The following PDE4D variants were observed in gnomAD, a reference collection of about 807,000 sequenced individuals.
The protein encoded by PDE4D is 3',5'-cyclic-AMP phosphodiesterase 4D.
A neutral mutation model predicts 87.4 loss-of-function variants in PDE4D; 24 were observed. The ratio of observed to expected loss-of-function variants is 0.27; its 90% CI spans 0.20 to 0.39. The LOEUF is 0.39. PDE4D is among the 10% of genes least tolerant of loss of function. The probability of loss-of-function intolerance (pLI) is 1.00; values close to 1 mark genes in which losing one functional copy is unlikely to be tolerated. For missense variants in PDE4D, 714 were observed against 1,041.0 expected (o/e 0.69, Z 4.32); for synonymous variants, 384 against 383.2 (o/e 1.00, Z -0.02).
chr5:59,095,878 A>G (rs529284952), intron 5 of PDE4D, among the ~76,000 whole-genome samples: 1 of 152,330 alleles, frequency 6.6e-6, no homozygotes, highest in African/African-American at 2.4e-5. Context: ...CTAAGCTGCT[A>G]AATAGGCTAT....
intron 1 of PDE4D, among the ~76,000 whole-genome samples, chr5:59,771,534 GA>G (rs1157759892): frequency 6.8e-6 from 1 of 147,524 alleles, no homozygotes; most frequent in African/African-American, 2.6e-5. Flanking sequence ...AAGAAAGAAA[GA>G]AAGAAAGAAA....
intron 1 of PDE4D, among the ~76,000 whole-genome samples, chr5:59,296,797 ACG>A (rs1207949724): frequency 1.4e-5 from 2 of 144,166 alleles, no homozygotes; most frequent in East Asian, 2.2e-4. Flanking sequence ...ACACACACAC[ACG>A]CGTGCATGCA....
intron 1 of PDE4D, among the ~76,000 whole-genome samples, chr5:60,474,108 A>ATATATATGTGTG (rs1561295618): frequency 1.9e-5 from 1 of 52,266 alleles, no homozygotes; most frequent in South Asian, 6.5e-4. Flanking sequence ...GAGCTGCCAT[A>ATATATATGTGTG]TATATATATA....
intron 1 of PDE4D, among the ~76,000 whole-genome samples, chr5:60,265,563 G>C (rs918406850): frequency 1.3e-5 from 2 of 152,154 alleles, no homozygotes; most frequent in Non-Finnish European, 2.9e-5. Flanking sequence ...GCCTTAACCT[G>C]ACACAGTGGC....
intron 2 of PDE4D, among the ~76,000 whole-genome samples, chr5:60,010,961 G>C (rs1167773384): frequency 6.6e-6 from 1 of 152,138 alleles, no homozygotes; most frequent in Non-Finnish European, 1.5e-5. Context: ...GCATATGTGA[G>C]ATGAAAATGA....
chr5:58,985,058 C>T (rs146087663), intron 11 of PDE4D, among the ~76,000 whole-genome samples: 8,245 of 152,046 alleles, frequency 0.054, 271 homozygotes, highest in Middle Eastern at 0.099. Flanking sequence ...TACAGGCATG[C>T]GCCACCACAC....
chr5:60,013,583 A>C (rs1019947597), intron 2 of PDE4D, among the ~76,000 whole-genome samples: 1 of 152,146 alleles, frequency 6.6e-6, no homozygotes, highest in African/African-American at 2.4e-5. Context: ...AATTTGCCCT[A>C]AGTTATACTA....
rs572827513 is a variant in PDE4D at position 59,175,165 on chromosome 5, C to T, written c.808+5430G>A. 3.3e-5 allele frequency among the ~76,000 whole-genome samples: 5 copies of T among 152,322 alleles called. No individual in the cohort carries two copies. In the South Asian group the frequency reaches 1.0e-3, roughly 32 times the overall value. Reference sequence around the variant, plus strand: ...GGCTTGGGCATCTCTGACTCTTTGCCACCCTCTCATGTTCCAATGCACTCT... The same window carrying T: ...GGCTTGGGCATCTCTGACTCTTTGCTACCCTCTCATGTTCCAATGCACTCT... On this transcript the variant is annotated intron_variant, in intron 5 of 14. Coordinates refer to ENST00000340635, the MANE Select transcript of PDE4D (RefSeq NM_001104631.2).
intron 5 of PDE4D, among the ~76,000 whole-genome samples, chr5:59,071,683 CTTTTTTT>C (rs10701223): frequency 1.7e-4 from 14 of 82,406 alleles, no homozygotes; most frequent in Admixed American, 9.9e-4. Flanking sequence ...TATTTCTCTT[CTTTTTTT>C]TTTTTTTTTT....
At chr5:59,753,924 T>C (rs1056288523) in intron 1 of PDE4D, among the ~76,000 whole-genome samples, 2 of 152,240 alleles carry the variant, frequency 1.3e-5, no homozygotes, top group Non-Finnish European at 1.5e-5. Flanking sequence ...CTTTAATTTA[T>C]AGCTGGTCCA....
chr5:59,795,676 C>T (rs1469090201), intron 1 of PDE4D, among the ~76,000 whole-genome samples: 1 of 152,124 alleles, frequency 6.6e-6, no homozygotes, highest in Admixed American at 6.5e-5. Flanking sequence ...CGGCTGGGGT[C>T]CTTAGCACGG....
At chr5:60,462,882 A>G (rs1472774499) in intron 1 of PDE4D, among the ~76,000 whole-genome samples, 3 of 152,232 alleles carry the variant, frequency 2.0e-5, no homozygotes, top group Non-Finnish European at 4.4e-5. Context: ...CATTTTCATC[A>G]TATACAACAG....
intron 1 of PDE4D, among the ~76,000 whole-genome samples, chr5:60,358,097 A>G (rs1485534456): frequency 6.6e-6 from 1 of 152,210 alleles, no homozygotes; most frequent in African/African-American, 2.4e-5. Context: ...ATAGAAAAGG[A>G]AGGGGAACCC....
intron 1 of PDE4D, among the ~76,000 whole-genome samples, chr5:59,719,839 G>A (rs1321984302): frequency 2.0e-5 from 3 of 152,014 alleles, no homozygotes; most frequent in Non-Finnish European, 4.4e-5. Context: ...ACAACTATTG[G>A]GGATGCCATC....
intron 5 of PDE4D, among the ~76,000 whole-genome samples, chr5:59,097,855 C>T (rs73098907): frequency 6.6e-6 from 1 of 152,276 alleles, no homozygotes; most frequent in African/African-American, 2.4e-5. Context: ...GATCCCCTTC[C>T]TCTCCTAGAA....
At chr5:59,768,709 C>G (rs1245801560) in intron 1 of PDE4D, 5 of 1,297,394 alleles carry the variant, frequency 3.9e-6, no homozygotes, top group Non-Finnish European at 5.1e-6. Context: ...TATTAAACGT[C>G]ACCCCTCCTC....
At chr5:59,781,213 A>T (rs145393917) in intron 1 of PDE4D, among the ~76,000 whole-genome samples, 1 of 151,924 alleles carries the variant, frequency 6.6e-6, no homozygotes, top group Non-Finnish European at 1.5e-5. Flanking sequence ...GAAGACCACA[A>T]AGGTAATCAA....
chr5:59,004,083 C>A (rs1751073603), intron 6 of PDE4D, among the ~76,000 whole-genome samples: 1 of 151,832 alleles, frequency 6.6e-6, no homozygotes, highest in South Asian at 2.1e-4. Flanking sequence ...AAATACACTT[C>A]CTTCATAATA....
chr5:60,377,216 T>C (rs527602275), intron 1 of PDE4D, among the ~76,000 whole-genome samples: 3 of 152,152 alleles, frequency 2.0e-5, no homozygotes, highest in Non-Finnish European at 4.4e-5. Context: ...TTTCACTATT[T>C]TACACACTAT....
Sources: gnomAD v4.1 joint callset for allele counts (sites outside exome capture counted in the v4.1 genomes callset) on GRCh38, gnomAD v4.1.1 for gene constraint, MANE v1.5 for transcripts, NCBI Gene and HGNC (gene_info 2026-07-23, HGNC 2026-07-21) for gene names.